RGS7: variants seen among roughly 807,000 people sequenced by gnomAD.
The protein encoded by RGS7 is regulator of G-protein signaling 7.
RGS7 carries 27 observed loss-of-function variants against 81.1 expected under a neutral mutation model. That is an observed-to-expected ratio of 0.33 (90% CI 0.25 to 0.46). The LOEUF is 0.46. Ranked by LOEUF, RGS7 falls within the 20% of genes least tolerant of loss-of-function variation. RGS7 has a pLI of 1.00. For missense variants in RGS7, 396 were observed against 607.4 expected (o/e 0.65, Z 3.66); for synonymous variants, 208 against 207.7 (o/e 1.00, Z -0.01).
Position 241,062,124 on chromosome 1 carries a change from G to A in RGS7, c.175+36542C>T, listed in dbSNP as rs375157434. ...AGTGATCTTCTATAGGAAATCTTTC[G>A]AGTGGTTAGATACCCACATGGAAAG... On this transcript the variant is annotated intron_variant, in intron 3 of 18. Transcript: ENST00000440928. 1.8e-4 allele frequency among the ~76,000 whole-genome samples: 28 copies of A among 152,194 alleles called. 1 individual carries two copies. In the South Asian group the frequency reaches 4.4e-3, roughly 24 times the overall value.
intron 6 of RGS7, among the ~76,000 whole-genome samples, chr1:240,875,087 C>A (rs1022938370): frequency 1.3e-5 from 2 of 151,940 alleles, no homozygotes; most frequent in Admixed American, 6.6e-5. Context: ...ACTCTCTTGG[C>A]AATTTTCAAG....
At chr1:241,193,862 T>C (rs573202629) in intron 2 of RGS7, among the ~76,000 whole-genome samples, 4 of 152,224 alleles carry the variant, frequency 2.6e-5, no homozygotes, top group Non-Finnish European at 4.4e-5. Context: ...TTTGATATAA[T>C]TCACTATTAA....
chr1:240,933,111 T>C (rs1317576886), intron 5 of RGS7, among the ~76,000 whole-genome samples: 3 of 151,214 alleles, frequency 2.0e-5, no homozygotes, highest in East Asian at 2.0e-4. Context: ...CTCCATCTCC[T>C]GACCTCGTGA....
rs959035640 is a variant in RGS7, at chr1:241,144,520, A to G, written c.79-45758T>C. 6.6e-6 allele frequency among the ~76,000 whole-genome samples: 1 copy of G among 152,176 alleles called. No individual in the cohort carries two copies. The highest frequency in any genetic ancestry group is 1.5e-5 in the Non-Finnish European group (1 of 68,026). On this transcript the variant is annotated intron_variant, in intron 2 of 18. Coordinates refer to ENST00000440928, the MANE Select transcript of RGS7 (RefSeq NM_001364886.1). The surrounding 1 kb of genome is among the most constrained non-coding windows in gnomAD (Gnocchi z 4.7). Reference sequence around the variant, plus strand: ...AAGCCATAAATGCAACGTTTCACTGAGCAGCATGGAGGCAGGGTGTTAACC... The same window carrying G: ...AAGCCATAAATGCAACGTTTCACTGGGCAGCATGGAGGCAGGGTGTTAACC...
chr1:241,022,018 G>A (rs1223015283), intron 3 of RGS7, among the ~76,000 whole-genome samples: 1 of 152,050 alleles, frequency 6.6e-6, no homozygotes, highest in Non-Finnish European at 1.5e-5. Flanking sequence ...TAGCTGTGCG[G>A]TTAAGACAGC....
chr1:240,813,141 G>A lies in RGS7; in HGVS notation c.956+477C>T, dbSNP rs1391286899. On this transcript the variant is annotated intron_variant, in intron 13 of 18. Coordinates refer to ENST00000440928, the MANE Select transcript of RGS7 (RefSeq NM_001364886.1). The stretch of plus-strand genomic sequence containing the variant: ...TGAAAGAAACTATGGAGTCCTAAGT[G>A]GTGCTTTGCTTTTCTTAGGAAGTGT... 2.0e-5 allele frequency among the ~76,000 whole-genome samples: 3 copies of A among 152,146 alleles called. No individual in the cohort carries two copies. The East Asian group carries it at 5.8e-4, about 29-fold the overall frequency.
At chr1:241,291,934 A>G (rs1482225379) in intron 2 of RGS7, among the ~76,000 whole-genome samples, 1 of 152,160 alleles carries the variant, frequency 6.6e-6, no homozygotes, top group African/African-American at 2.4e-5. Context: ...CAATCACCGA[A>G]CAAGCCAGAA....
intron 18 of RGS7, among the ~76,000 whole-genome samples, chr1:240,787,403 C>T (rs1437121120): frequency 6.6e-6 from 1 of 152,164 alleles, no homozygotes; most frequent in Non-Finnish European, 1.5e-5. Context: ...AGCACAGGAA[C>T]TTGCTTTAAA....
In RGS7 at chr1:241,235,910, G is replaced by GAGAGAGAA. The variant is rs1491171497; in HGVS notation, c.78+119788_78+119789insTTCTCTCT. On this transcript the variant is annotated intron_variant, in intron 2 of 18. Coordinates refer to ENST00000440928, the MANE Select transcript of RGS7 (RefSeq NM_001364886.1). ...GGTGAACCCCTAGGAGATGCACTTT[G>GAGAGAGAA]AGAGAGAGAGAGAGAGAGAGAGAAA... Among the ~76,000 whole-genome samples the GAGAGAGAA allele has an allele frequency of 4.7e-4, 24 of 51,450 alleles. 1 individual carries two copies. Among genetic ancestry groups the GAGAGAGAA allele is most frequent in the African/African-American group, 2.0e-3 (23 of 11,352 alleles). 33.8% of individuals were successfully genotyped at this position (51,450 alleles called of 152,430 possible). A position where few individuals can be genotyped will look rare whatever the true frequency, so the allele number is the denominator to read the frequency against.
At chr1:241,314,385 C>T (rs35529920) in intron 2 of RGS7, among the ~76,000 whole-genome samples, 4,459 of 152,322 alleles carry the variant, frequency 0.029, 84 homozygotes, top group Non-Finnish European at 0.044. Flanking sequence ...GCTGAAGGCA[C>T]AGACAATTGT....
At chr1:240,791,440 T>C (rs1314354486) in intron 18 of RGS7, among the ~76,000 whole-genome samples, 2 of 152,210 alleles carry the variant, frequency 1.3e-5, no homozygotes, top group African/African-American at 4.8e-5. Context: ...TGCTTATAGA[T>C]GGATGCAATT....
intron 2 of RGS7, among the ~76,000 whole-genome samples, chr1:241,296,433 C>T (rs989708052): frequency 3.3e-5 from 5 of 152,094 alleles, no homozygotes; most frequent in South Asian, 2.1e-4. Context: ...AGTGATTAGG[C>T]GCTCAAGTGA....
At chr1:241,272,399 C>G (rs886979971) in intron 2 of RGS7, among the ~76,000 whole-genome samples, 3 of 152,200 alleles carry the variant, frequency 2.0e-5, no homozygotes, top group African/African-American at 7.2e-5. Flanking sequence ...CAGCTTCCTG[C>G]TGTCCTCAAA....
chr1:240,970,759 T>A lies in RGS7; in HGVS notation c.226+12320A>T, dbSNP rs569604088. On this transcript the variant is annotated intron_variant, in intron 4 of 18. Transcript: ENST00000440928. ...CAGCACTTTGGGAGGCCATGGCAGGTGGATTACTCGAGATCAGGAGTTCAA... is the reference window on the plus strand; with the variant it reads ...CAGCACTTTGGGAGGCCATGGCAGGAGGATTACTCGAGATCAGGAGTTCAA... 2.1e-3 allele frequency among the ~76,000 whole-genome samples: 318 copies of A among 152,124 alleles called. 1 individual carries two copies. Among genetic ancestry groups the A allele is most frequent in the Non-Finnish European group, 3.1e-3 (214 of 67,980 alleles).
chr1:241,229,773 G>C (rs2815860), intron 2 of RGS7, among the ~76,000 whole-genome samples: 54,130 of 152,062 alleles, frequency 0.36, 10,169 homozygotes, highest in African/African-American at 0.43. Flanking sequence ...AGAAACTTCC[G>C]GGAAATGATC....
At chr1:241,165,214 A>G (rs925162262) in intron 2 of RGS7, among the ~76,000 whole-genome samples, 1 of 152,222 alleles carries the variant, frequency 6.6e-6, no homozygotes, top group Non-Finnish European at 1.5e-5. Context: ...GCATACACAC[A>G]TATGCATTTC....
At chr1:241,127,411 C>T (rs1401415072) in intron 2 of RGS7, among the ~76,000 whole-genome samples, 2 of 152,184 alleles carry the variant, frequency 1.3e-5, no homozygotes, top group African/African-American at 4.8e-5. Context: ...CCCTACTCGA[C>T]AGCCATCATT....
chr1:241,278,360 T>C (rs192492128), intron 2 of RGS7, among the ~76,000 whole-genome samples: 30 of 152,352 alleles, frequency 2.0e-4, no homozygotes, highest in Admixed American at 1.8e-3. Flanking sequence ...ACGTTTTCTA[T>C]CTGCCATTTA....
At chr1:241,222,207 T>C (rs754484792) in intron 2 of RGS7, among the ~76,000 whole-genome samples, 4 of 152,220 alleles carry the variant, frequency 2.6e-5, no homozygotes, top group Non-Finnish European at 4.4e-5. Context: ...CTAACTAATA[T>C]AGCAGATGGT....
Sources: gnomAD v4.1 joint callset for allele counts (sites outside exome capture counted in the v4.1 genomes callset) on GRCh38, gnomAD v4.1.1 for gene constraint, Gnocchi (gnomAD v3.1) non-coding constraint, MANE v1.5 for transcripts, NCBI Gene and HGNC (gene_info 2026-07-23, HGNC 2026-07-21) for gene names.